MAP10: variants seen among roughly 807,000 people sequenced by gnomAD.
MAP10 encodes the protein microtubule associated protein 10.
In MAP10, 10 loss-of-function variants were observed where a neutral mutation model predicts 6.3. The observed-to-expected ratio is 1.58, with a 90% CI of 0.98 to 2.69. The LOEUF (loss-of-function observed/expected upper bound fraction) is 2.69, where lower values mean the gene tolerates loss of function less well. Ranked by LOEUF, MAP10 falls within the 30% of genes most tolerant of loss-of-function variation. MAP10 has a pLI of 0.00. For synonymous variants in MAP10, 459 were observed against 429.3 expected (o/e 1.07, Z -0.86); for missense variants, 1,189 against 1,086.5 (o/e 1.09, Z -1.33).
rs1296648111 is a variant in MAP10, at chr1:232,808,507, A to C, written c.*340A>C. ...AGGCTAGTTAGTAAGGACAGCCTCA[A>C]ATTTTAATTGGAACAAATTATTTAA... is the stretch of plus-strand genomic sequence containing the variant. On this transcript the variant is annotated 3_prime_UTR_variant, in exon 1 of 1. Transcript: ENST00000418460. 5.5e-6 allele frequency: 1 copy of C among 182,462 alleles called. No homozygotes were observed. The highest frequency in any genetic ancestry group is 6.2e-5 in the Admixed American group (1 of 16,010). The allele number at this position is 182,462 out of a possible 1,614,324, so 11.3% of individuals were successfully genotyped here.
In MAP10 at chr1:232,806,123, C is replaced by T. The variant is rs773548333; in HGVS notation, c.674C>T (p.Pro225Leu). Reference protein sequence around the residue: ...RQQLQQPASQPSPKEADKPLG... With the variant: ...RQQLQQPASQLSPKEADKPLG... Reference sequence around the variant, plus strand: ...CAGCTGCAGCAGCCAGCCTCACAGCCAAGCCCAAAAGAGGCTGATAAGCCG... The same window carrying T: ...CAGCTGCAGCAGCCAGCCTCACAGCTAAGCCCAAAAGAGGCTGATAAGCCG... The change falls in exon 1 of 1, where the codon CCA (proline) becomes CTA (leucine). Residue 225 changes from proline (P) to leucine (L), a missense_variant. Pro to Leu is a moderately conservative substitution (Grantham distance 98). Transcript: ENST00000418460. 6.2e-7 allele frequency: 1 copy of T among 1,614,034 alleles called. No homozygotes were observed. The highest frequency in any genetic ancestry group is 1.7e-5 in the Admixed American group (1 of 60,022).
Position 232,805,424 on chromosome 1 carries a change from C to T in MAP10, c.-26C>T, listed in dbSNP as rs1410329431. 5.0e-6 allele frequency: 8 copies of T among 1,612,662 alleles called. No homozygotes were observed. Among genetic ancestry groups the T allele is most frequent in the South Asian group, 3.3e-5 (3 of 90,948 alleles). On this transcript the variant is annotated 5_prime_UTR_variant, in exon 1 of 1. Transcript: ENST00000418460. Reference sequence around the variant, plus strand: ...TTCAGCTTCTCGTTTGCGGAGCCCGCGGCGGCGTTTCCTGGGGCAACAGCA... The same window carrying T: ...TTCAGCTTCTCGTTTGCGGAGCCCGTGGCGGCGTTTCCTGGGGCAACAGCA...
the MAP10 span, chr1:232,807,490 A>AT: frequency 1.2e-6 from 2 of 1,613,828 alleles, no homozygotes; most frequent in Non-Finnish European, 1.7e-6. Flanking sequence ...TATGGCTGAT[A>AT]TAAGTGACAA....
chr1:232,805,621 GC>G, the MAP10 span: 1 of 1,569,376 alleles, frequency 6.4e-7, no homozygotes, highest in Non-Finnish European at 8.6e-7. Context: ...CCCCGCCGTG[GC>G]CTTCCGCCTG....
In MAP10 at chr1:232,807,826, A is replaced by G. The variant is rs749192832; in HGVS notation, c.2377A>G (p.Ser793Gly). 2 of 1,613,560 alleles carry G rather than the reference A, an allele frequency of 1.2e-6. No individual in the cohort carries two copies. Among genetic ancestry groups the G allele is most frequent in the South Asian group, 2.2e-5 (2 of 91,008 alleles). ...TQDKSLEEAS[S>G]ISASDLSSTH... The stretch of plus-strand genomic sequence containing the variant: ...GGATAAAAGTTTGGAGGAAGCATCT[A>G]GTATCTCTGCTAGTGATTTATCTTC... The change falls in exon 1 of 1, where the codon AGT becomes GGT. Residue 793 changes from serine (S) to glycine (G), a missense_variant. Physicochemically the swap from Ser to Gly is moderately conservative, Grantham distance 56. Coordinates refer to ENST00000418460, the MANE Select transcript of MAP10 (RefSeq NM_019090.3).
In MAP10 at chr1:232,807,978, C is replaced by G. The variant is rs1300224609; in HGVS notation, c.2529C>G (p.Ser843Arg). Reference sequence around the variant, plus strand: ...GTAGTTGGAAATCTTTAGAAAAAAGCCAGTCACCACAAACATCCCAGGTGA... The same window carrying G: ...GTAGTTGGAAATCTTTAGAAAAAAGGCAGTCACCACAAACATCCCAGGTGA... ...TRSSWKSLEK[S>R]QSPQTSQVSS... is the part of the protein sequence containing the mutation. The change falls in exon 1 of 1, where the codon AGC (serine) becomes AGG (arginine). Residue 843 changes from serine to arginine, a missense_variant. Ser to Arg is a moderately radical substitution (Grantham distance 110, BLOSUM62 -1). Transcript: ENST00000418460. 3.7e-6 allele frequency: 6 copies of G among 1,612,850 alleles called. No homozygotes were observed. The African/African-American group carries it at 8.0e-5, about 22-fold the overall frequency.
chr1:232,807,799 C>A lies in MAP10; in HGVS notation c.2350C>A (p.Gln784Lys). 6.2e-7 allele frequency: 1 copy of A among 1,613,226 alleles called. No individual in the cohort carries two copies. Among genetic ancestry groups the A allele is most frequent in the Non-Finnish European group, 8.5e-7 (1 of 1,179,674 alleles). Residue 784 changes from glutamine to lysine, a missense_variant, in exon 1 of 1, where the codon CAG becomes AAG. By Grantham distance (53) the Gln-to-Lys change is moderately conservative (BLOSUM62 1). Transcript: ENST00000418460. Reference protein sequence around the residue: ...SYRKFHISKTQDKSLEEASSI... With the variant: ...SYRKFHISKTKDKSLEEASSI... ...CAGAAAATTTCATATTTCAAAGACT[C>A]AGGATAAAAGTTTGGAGGAAGCATC... is the stretch of plus-strand genomic sequence containing the variant.
chr1:232,807,806 A>C lies in MAP10; in HGVS notation c.2357A>C (p.Lys786Thr). 6.2e-7 allele frequency: 1 copy of C among 1,613,522 alleles called. No individual in the cohort carries two copies. The highest frequency in any genetic ancestry group is 8.5e-7 in the Non-Finnish European group (1 of 1,179,738). Residue 786 changes from lysine to threonine, a missense_variant, in exon 1 of 1, where the codon AAA (lysine) becomes ACA (threonine). Transcript: ENST00000418460. ...TTTCATATTTCAAAGACTCAGGATA[A>C]AAGTTTGGAGGAAGCATCTAGTATC... Reference protein sequence around the residue: ...RKFHISKTQDKSLEEASSISA... With the variant: ...RKFHISKTQDTSLEEASSISA...
Position 232,806,486 on chromosome 1 carries a change from C to T in MAP10, c.1037C>T (p.Pro346Leu). 6.2e-7 allele frequency: 1 copy of T among 1,613,920 alleles called. No homozygotes were observed. Among genetic ancestry groups the T allele is most frequent in the Non-Finnish European group, 8.5e-7 (1 of 1,179,894 alleles). ...CCTGAAAAAAAGCGTGTAAATCCCC[C>T]AGCACACAGGAGTTGTCTAAAGCAT... ...ASPEKKRVNP[P>L]AHRSCLKHPS... is the part of the protein sequence containing the mutation. Residue 346 changes from proline to leucine, a missense_variant, in exon 1 of 1, where the codon CCA becomes CTA. By Grantham distance (98) the Pro-to-Leu change is moderately conservative (BLOSUM62 -3). Coordinates refer to ENST00000418460, the MANE Select transcript of MAP10 (RefSeq NM_019090.3).
the MAP10 span, chr1:232,808,030 G>T: frequency 2.5e-6 from 4 of 1,613,294 alleles, no homozygotes; most frequent in Non-Finnish European, 3.4e-6. Context: ...AAATGTGTCC[G>T]AACTTAATGT....
the MAP10 span, chr1:232,805,585 G>T: frequency 6.4e-7 from 1 of 1,556,412 alleles, no homozygotes; most frequent in Non-Finnish European, 8.7e-7. Context: ...GGAGCAGGGG[G>T]AGGCCTCGTC....
Position 232,806,470 on chromosome 1 carries a change from A to C in MAP10, c.1021A>C (p.Lys341Gln), listed in dbSNP as rs1156869094. The C allele has an allele frequency of 2.5e-6, 4 of 1,613,958 alleles. No individual in the cohort carries two copies. Among genetic ancestry groups the C allele is most frequent in the Non-Finnish European group, 3.4e-6 (4 of 1,179,902 alleles). ...EEMDDASPEK[K>Q]RVNPPAHRSC... The stretch of plus-strand genomic sequence containing the variant: ...AATGGATGATGCTTCTCCTGAAAAA[A>C]AGCGTGTAAATCCCCCAGCACACAG... The change falls in exon 1 of 1, where the codon AAG becomes CAG. Residue 341 changes from lysine (K) to glutamine (Q), a missense_variant. Coordinates refer to ENST00000418460, the MANE Select transcript of MAP10 (RefSeq NM_019090.3).
rs999384171 is a variant in MAP10, at chr1:232,809,635, T to G, written c.*1468T>G. ...ATAGGAATAACAGATTATTTTAGGT[T>G]ATAAATGAGCACTAGTAAGTAGTCA... On this transcript the variant is annotated 3_prime_UTR_variant, in exon 1 of 1. Transcript: ENST00000418460. Among the ~76,000 whole-genome samples the G allele has an allele frequency of 6.6e-6, 1 of 152,084 alleles. No homozygotes were observed. The highest frequency in any genetic ancestry group is 1.5e-5 in the Non-Finnish European group (1 of 67,912).
In MAP10 at chr1:232,806,930, G is replaced by A. The variant is rs752222842; in HGVS notation, c.1481G>A (p.Arg494Lys). 1.9e-6 allele frequency: 3 copies of A among 1,608,388 alleles called. No individual in the cohort carries two copies. The highest frequency in any genetic ancestry group is 2.2e-5 in the East Asian group (1 of 44,856). ...CTCCATAAAAGAGTTCCAAAAGGGA[G>A]GCTACTTTATGGCTTAACAAATACA... ...GALHKRVPKG[R>K]LLYGLTNTLR... Residue 494 changes from arginine to lysine, a missense_variant, in exon 1 of 1, where the codon AGG becomes AAG. By Grantham distance (26) the Arg-to-Lys change is conservative. Coordinates refer to ENST00000418460, the MANE Select transcript of MAP10 (RefSeq NM_019090.3).
At position 232,807,721 on chromosome 1, in the gene MAP10, A is replaced by G. The variant is rs1332372751; in HGVS notation, c.2272A>G (p.Arg758Gly). The change falls in exon 1 of 1, where the codon AGG becomes GGG. Residue 758 changes from arginine (R) to glycine (G), a missense_variant. By Grantham distance (125) the Arg-to-Gly change is moderately radical (BLOSUM62 -2). Coordinates refer to ENST00000418460, the MANE Select transcript of MAP10 (RefSeq NM_019090.3). ...GTCCAAAAAGAAAAATAGTAGTGACAGGAGTTCTATCCTTAGCCCACCTTT... is the reference window on the plus strand; with the variant it reads ...GTCCAAAAAGAAAAATAGTAGTGACGGGAGTTCTATCCTTAGCCCACCTTT... ...GVSKKKNSSD[R>G]SSILSPPFSA... 3.1e-6 allele frequency: 5 copies of G among 1,613,656 alleles called. No homozygotes were observed. In the African/African-American group the frequency reaches 6.7e-5, roughly 22 times the overall value.
Position 232,808,060 on chromosome 1 carries a change from G to C in MAP10, c.2611G>C (p.Asp871His), listed in dbSNP as rs373680683. 20 of 1,610,302 alleles carry C rather than the reference G, an allele frequency of 1.2e-5. No individual in the cohort carries two copies. The African/African-American group carries it at 2.1e-4, about 17-fold the overall frequency. The change falls in exon 1 of 1, where the codon GAT becomes CAT. Residue 871 changes from aspartate to histidine, a missense_variant. Transcript: ENST00000418460. ...TAATGTCCTGGATAGCAGTACATCA[G>C]ATCACTTTGAAGAAGGCAATGATGA... ...ELNVLDSSTS[D>H]HFEEGNDDVG...
rs777320366 is a variant in MAP10, at chr1:232,806,462, C to T, written c.1013C>T (p.Pro338Leu). 2 of 1,613,700 alleles carry T rather than the reference C, an allele frequency of 1.2e-6. No individual in the cohort carries two copies. The highest frequency in any genetic ancestry group is 1.7e-6 in the Non-Finnish European group (2 of 1,179,882). ...CCTGAGGAAATGGATGATGCTTCTC[C>T]TGAAAAAAAGCGTGTAAATCCCCCA... ...NAPEEMDDAS[P>L]EKKRVNPPAH... The change falls in exon 1 of 1, where the codon CCT becomes CTT. Residue 338 changes from proline to leucine, a missense_variant. Transcript: ENST00000418460.
rs1230301367 is a variant in MAP10 at position 232,807,569 on chromosome 1, C to T, written c.2120C>T (p.Pro707Leu). The T allele has an allele frequency of 1.2e-6, 2 of 1,611,600 alleles. No individual in the cohort carries two copies. Among genetic ancestry groups the T allele is most frequent in the African/African-American group, 1.3e-5 (1 of 75,012 alleles). ...AAGTATTCAGATGATTTGTCTAGCC[C>T]TTGCTATTCTGAAGATTTCTGTACC... ...ELKYSDDLSSPCYSEDFCTSE... is the reference protein window; with the variant it reads ...ELKYSDDLSSLCYSEDFCTSE... Residue 707 changes from proline to leucine, a missense_variant, in exon 1 of 1, where the codon CCT (proline) becomes CTT (leucine). Pro to Leu is a moderately conservative substitution (Grantham distance 98). Coordinates refer to ENST00000418460, the MANE Select transcript of MAP10 (RefSeq NM_019090.3).
the MAP10 span, chr1:232,807,244 GA>G: frequency 1.2e-6 from 2 of 1,612,428 alleles, no homozygotes; most frequent in East Asian, 2.2e-5. Flanking sequence ...ATATGCAACT[GA>G]AAAAAAGACA....
Sources: allele counts gnomAD v4.1 joint callset (sites outside exome capture counted in the v4.1 genomes callset), GRCh38; gene constraint gnomAD v4.1.1; transcripts MANE v1.5; gene names NCBI Gene and HGNC (gene_info 2026-07-23, HGNC 2026-07-21).